The following KIAA1958 variants were observed in gnomAD, a reference collection of about 807,000 sequenced individuals.
The protein encoded by KIAA1958 is uncharacterized protein KIAA1958.
In KIAA1958, 14 loss-of-function variants were observed where a neutral mutation model predicts 47.2. The observed-to-expected ratio is 0.30, with a 90% CI of 0.20 to 0.46. The LOEUF (loss-of-function observed/expected upper bound fraction) is 0.46, where lower values mean the gene tolerates loss of function less well. Among genes scored for constraint, KIAA1958 ranks in the 20% least tolerant of loss-of-function variants. The pLI is 1.00. For synonymous variants in KIAA1958, 354 were observed against 353.3 expected, an observed-to-expected ratio of 1.00 and a Z score of -0.02; for missense variants, 803 against 909.2, an observed-to-expected ratio of 0.88 and a Z score of 1.50.
At chr9:112,520,242 A>G (rs968769604) in intron 1 of KIAA1958, among the ~76,000 whole-genome samples, 4 of 152,266 alleles carry the variant, frequency 2.6e-5, no homozygotes, top group Non-Finnish European at 5.9e-5. Flanking sequence ...AATCTAATTC[A>G]GTCTTTAGCA....
At chr9:112,633,998 A>T (rs2131232341) in intron 2 of KIAA1958, among the ~76,000 whole-genome samples, 1 of 151,966 alleles carries the variant, frequency 6.6e-6, no homozygotes, top group East Asian at 1.9e-4. Flanking sequence ...TAGGTGTAGG[A>T]TTACTGAGTC....
At chr9:112,487,950 T>TGC (rs753345938) in intron 1 of KIAA1958, among the ~76,000 whole-genome samples, 1 of 144,810 alleles carries the variant, frequency 6.9e-6, no homozygotes, top group Non-Finnish European at 1.5e-5. Context: ...TGTGTGCGTG[T>TGC]GTGTGTGTGT....
chr9:112,644,201 A>C (rs1053490867), intron 2 of KIAA1958, among the ~76,000 whole-genome samples: 9 of 151,734 alleles, frequency 5.9e-5, no homozygotes, highest in African/African-American at 1.5e-4. Context: ...CAAACAAAAA[A>C]CAAAAAACAA....
intron 3 of KIAA1958, among the ~76,000 whole-genome samples, chr9:112,651,432 T>C (rs1211732511): frequency 6.6e-6 from 1 of 150,468 alleles, no homozygotes; most frequent in East Asian, 1.9e-4. Context: ...TCTCACTCTA[T>C]CCCCCAGGCT....
chr9:112,595,204 A>G (rs1457757497), intron 2 of KIAA1958, among the ~76,000 whole-genome samples: 1 of 152,232 alleles, frequency 6.6e-6, no homozygotes, highest in East Asian at 1.9e-4. Flanking sequence ...TGACAATAAT[A>G]GAAAAACAAT....
chr9:112,577,162 C>G (rs1407273353), intron 2 of KIAA1958, among the ~76,000 whole-genome samples: 1 of 151,924 alleles, frequency 6.6e-6, no homozygotes, highest in African/African-American at 2.4e-5. Context: ...TGAGAAATAT[C>G]TACTCAAATC....
rs373364199 is a variant in KIAA1958, at chr9:112,631,151, GATATATC to G, written c.1172-14496_1172-14490del. Among the ~76,000 whole-genome samples the G allele has an allele frequency of 2.5e-3, 387 of 152,266 alleles. 3 individuals carry two copies. The highest frequency in any genetic ancestry group is 8.9e-3 in the African/African-American group (370 of 41,554). ...TATGTATAAAACTCTTAATGTTGGTGATATATCATCTCAAAAGATAATTTTAAAAGCA... is the reference window on the plus strand; with the variant it reads ...TATGTATAAAACTCTTAATGTTGGTGATCTCAAAAGATAATTTTAAAAGCA... On this transcript the variant is annotated intron_variant, in intron 2 of 3. Transcript: ENST00000337530.
intron 2 of KIAA1958, among the ~76,000 whole-genome samples, chr9:112,596,142 A>G (rs1026856437): frequency 6.6e-6 from 1 of 152,168 alleles, no homozygotes; most frequent in Non-Finnish European, 1.5e-5. Flanking sequence ...CTAGGACAAC[A>G]AGTGAAATGA....
intron 1 of KIAA1958, among the ~76,000 whole-genome samples, chr9:112,521,191 A>G (rs1834537069): frequency 6.6e-6 from 1 of 152,002 alleles, no homozygotes; most frequent in African/African-American, 2.4e-5. Flanking sequence ...GTATTTCTAA[A>G]TAGCCTATGT....
chr9:112,529,685 C>T (rs1834719745), intron 1 of KIAA1958, among the ~76,000 whole-genome samples: 1 of 152,194 alleles, frequency 6.6e-6, no homozygotes, highest in African/African-American at 2.4e-5. Flanking sequence ...ATGCTACATG[C>T]TATCAACATG....
intron 2 of KIAA1958, among the ~76,000 whole-genome samples, chr9:112,601,041 T>C (rs1258305728): frequency 6.6e-6 from 1 of 152,204 alleles, no homozygotes; most frequent in African/African-American, 2.4e-5. Flanking sequence ...GGCATTCTTG[T>C]TGGCAGAGCT....
chr9:112,601,837 G>A (rs1024278157), intron 2 of KIAA1958, among the ~76,000 whole-genome samples: 1 of 152,192 alleles, frequency 6.6e-6, no homozygotes, highest in African/African-American at 2.4e-5. Context: ...ATGAGCAGAT[G>A]ACTAATGTTT....
In KIAA1958 at chr9:112,579,210, C is replaced by A. The variant is rs147817205; in HGVS notation, c.1171+3959C>A. Among the ~76,000 whole-genome samples, 779 of 152,072 alleles carry A rather than the reference C, an allele frequency of 5.1e-3. 10 individuals carry two copies. The highest frequency in any genetic ancestry group is 0.017 in the African/African-American group (704 of 41,520). On this transcript the variant is annotated intron_variant, in intron 2 of 3. Coordinates refer to ENST00000337530, the MANE Select transcript of KIAA1958 (RefSeq NM_133465.4). ...CATTAGCTTTTAATTTTGTTGATGA[C>A]CTTTTTTAAGGTGTGAATTTTCTTA...
intron 1 of KIAA1958, among the ~76,000 whole-genome samples, chr9:112,489,603 A>G (rs1028193428): frequency 1.3e-5 from 2 of 152,006 alleles, no homozygotes; most frequent in Non-Finnish European, 2.9e-5. Context: ...CTTTCTGGTA[A>G]GTTGGTGTTG....
At chr9:112,620,345 A>G (rs1836481296) in intron 2 of KIAA1958, among the ~76,000 whole-genome samples, 1 of 152,308 alleles carries the variant, frequency 6.6e-6, no homozygotes, top group African/African-American at 2.4e-5. Flanking sequence ...TTGTTCTTCA[A>G]GGCAACCTCA....
chr9:112,497,594 C>T (rs570729473), intron 1 of KIAA1958, among the ~76,000 whole-genome samples: 36 of 152,274 alleles, frequency 2.4e-4, no homozygotes, highest in African/African-American at 6.3e-4. Context: ...AATCCACTGA[C>T]ATTGATAAAA....
chr9:112,590,705 G>A lies in KIAA1958; in HGVS notation c.1171+15454G>A, dbSNP rs542407083. 7.2e-5 allele frequency among the ~76,000 whole-genome samples: 11 copies of A among 152,272 alleles called. No individual in the cohort carries two copies. In the Middle Eastern group the frequency reaches 0.01, roughly 141 times the overall value. On this transcript the variant is annotated intron_variant, in intron 2 of 3. Transcript: ENST00000337530. ...CATGGCAGACCTCAGAACATTTCGG[G>A]CAGTAGTTACTGAGGGTGGAGGTAG...
chr9:112,499,093 A>G (rs1834092692), intron 1 of KIAA1958, among the ~76,000 whole-genome samples: 1 of 152,230 alleles, frequency 6.6e-6, no homozygotes, highest in Non-Finnish European at 1.5e-5. Flanking sequence ...TTATGGATAA[A>G]TAGTATTCCA....
intron 1 of KIAA1958, among the ~76,000 whole-genome samples, chr9:112,516,393 C>A (rs1172101240): frequency 1.3e-5 from 2 of 151,974 alleles, no homozygotes; most frequent in African/African-American, 4.8e-5. Context: ...AGCGATAAAG[C>A]TAATAAAATA....
Sources: allele counts gnomAD v4.1 joint callset (sites outside exome capture counted in the v4.1 genomes callset), GRCh38; gene constraint gnomAD v4.1.1; transcripts MANE v1.5; gene names NCBI Gene and HGNC (gene_info 2026-07-23, HGNC 2026-07-21).